ABR: variants seen among roughly 807,000 people sequenced by gnomAD.
The protein encoded by ABR is ABR activator of RhoGEF and GTPase.
Under a neutral mutation model 107.2 loss-of-function variants are expected in ABR, and 35 were observed. The ratio of observed to expected loss-of-function variants is 0.33; its 90% CI spans 0.25 to 0.43. The LOEUF (loss-of-function observed/expected upper bound fraction) is 0.43. Among genes scored for constraint, ABR ranks in the 20% least tolerant of loss-of-function variants. The probability of loss-of-function intolerance (pLI) is 1.00; values close to 1 mark genes in which losing one functional copy is unlikely to be tolerated. For synonymous variants in ABR, 498 were observed against 462.0 expected, an observed-to-expected ratio of 1.08 and a Z score of -1.00; for missense variants, 815 against 1,115.2, an observed-to-expected ratio of 0.73 and a Z score of 3.83.
intron 1 of ABR, among the ~76,000 whole-genome samples, chr17:1,172,848 C>T (rs2041765230): frequency 1.3e-5 from 2 of 152,034 alleles, no homozygotes; most frequent in Non-Finnish European, 2.9e-5. Context: ...AACAGCCTCC[C>T]CTATCACAGC....
chr17:1,087,713 G>T (rs1182639250), intron 4 of ABR, among the ~76,000 whole-genome samples: 1 of 152,072 alleles, frequency 6.6e-6, no homozygotes, highest in African/African-American at 2.4e-5. Context: ...TCAGATCACC[G>T]ATATTCTTCC....
rs1029591716 is a variant in ABR at position 1,071,818 on chromosome 17, G to A, written c.894+796C>T. Among the ~76,000 whole-genome samples the A allele has an allele frequency of 3.3e-5, 5 of 152,268 alleles. No homozygotes were observed. The highest frequency in any genetic ancestry group is 1.2e-4 in the African/African-American group (5 of 41,466). On this transcript the variant is annotated intron_variant, in intron 8 of 22. Coordinates refer to ENST00000302538, the MANE Select transcript of ABR (RefSeq NM_021962.5). This position sits in a 1 kb window ranked among gnomAD's most constrained non-coding sequence, Gnocchi z 5.1. Reference sequence around the variant, plus strand: ...TGGGCCTCCAGACAGTCCCAGGTGAGGAATCCAGCTCTGACACCAGTGGCT... The same window carrying A: ...TGGGCCTCCAGACAGTCCCAGGTGAAGAATCCAGCTCTGACACCAGTGGCT...
chr17:1,201,758 C>G (rs1159975728), intron 1 of ABR, among the ~76,000 whole-genome samples: 3 of 151,904 alleles, frequency 2.0e-5, no homozygotes, highest in African/African-American at 7.3e-5. Context: ...CTCACTGCAA[C>G]CTCTGCCTCC....
chr17:1,141,105 C>T (rs1404284567), intron 1 of ABR, among the ~76,000 whole-genome samples: 2 of 152,108 alleles, frequency 1.3e-5, no homozygotes, highest in Admixed American at 1.3e-4. Context: ...CAGCTGAAGC[C>T]GAGTGGGTGT....
intron 6 of ABR, chr17:1,079,116 T>C: frequency 1.4e-6 from 2 of 1,436,248 alleles, no homozygotes; most frequent in East Asian, 2.5e-5. Context: ...GGAGCACGTT[T>C]GTAGCTGGCT....
intron 16 of ABR, among the ~76,000 whole-genome samples, chr17:1,039,222 C>T (rs548673762): frequency 3.3e-5 from 5 of 152,180 alleles, no homozygotes; most frequent in South Asian, 2.1e-4. Flanking sequence ...TCAGGGGGAG[C>T]GGGCGCCAAG....
intron 16 of ABR, among the ~76,000 whole-genome samples, chr17:1,028,486 A>T (rs1177846210): frequency 6.6e-6 from 1 of 152,060 alleles, no homozygotes; most frequent in African/African-American, 2.4e-5. Context: ...CAAGAAAGGG[A>T]CCTTCTTCTA....
rs926680759 is a variant in ABR at position 1,148,230 on chromosome 17, C to T, written c.62-22863G>A. ...GGTGGATGAATGGATACACAAAACGCGGCCTTTACATAAAACGGATATTAT... is the reference window on the plus strand; with the variant it reads ...GGTGGATGAATGGATACACAAAACGTGGCCTTTACATAAAACGGATATTAT... On this transcript the variant is annotated intron_variant, in intron 1 of 22. Transcript: ENST00000302538. This position sits in a 1 kb window ranked among gnomAD's most constrained non-coding sequence, Gnocchi z 4.9. Among the ~76,000 whole-genome samples, 3 of 152,220 alleles carry T rather than the reference C, an allele frequency of 2.0e-5. No individual in the cohort carries two copies. Among genetic ancestry groups the T allele is most frequent in the East Asian group, 1.9e-4 (1 of 5,200 alleles).
rs1259062143 is a variant in ABR, at chr17:1,010,764, G to C, written c.2201C>G (p.Thr734Arg). The stretch of plus-strand genomic sequence containing the variant: ...CATGAAGGCTGGGTAGAGTCGGTCC[G>C]TGAGGAGCGGCTCGGGCAGTTCCCG... ...YFRELPEPLL[T>R]DRLYPAFMEG... is the part of the protein sequence containing the mutation. Residue 734 changes from threonine (T) to arginine (R), a missense_variant, in exon 20 of 23, where the codon ACG becomes AGG. Coordinates refer to ENST00000302538, the MANE Select transcript of ABR (RefSeq NM_021962.5). This position sits in a 1 kb window ranked among gnomAD's most constrained non-coding sequence, Gnocchi z 4.1. 2 of 1,613,840 alleles carry C rather than the reference G, an allele frequency of 1.2e-6. No individual in the cohort carries two copies. The highest frequency in any genetic ancestry group is 1.7e-6 in the Non-Finnish European group (2 of 1,180,020).
In ABR at chr17:1,010,648, T is replaced by G; in HGVS notation, c.2236+81A>C. The stretch of plus-strand genomic sequence containing the variant: ...GCCAGCAAAGGAAGCCACAGATATT[T>G]CTCCTGCTGGTTACTTCTCCGGGCA... On this transcript the variant is annotated intron_variant, in intron 20 of 22. Coordinates refer to ENST00000302538, the MANE Select transcript of ABR (RefSeq NM_021962.5). The surrounding 1 kb of genome is among the most constrained non-coding windows in gnomAD (Gnocchi z 4.1). 1 of 1,557,140 alleles carries G rather than the reference T, an allele frequency of 6.4e-7. No homozygotes were observed. The highest frequency in any genetic ancestry group is 8.7e-7 in the Non-Finnish European group (1 of 1,149,204).
chr17:1,195,073 C>T (rs1329042469), intron 1 of ABR, among the ~76,000 whole-genome samples: 8 of 144,782 alleles, frequency 5.5e-5, no homozygotes, highest in Admixed American at 1.4e-4. Context: ...TTTGGGAGGC[C>T]GAGGCGGGCG....
Position 1,031,581 on chromosome 17 carries a change from C to T in ABR, c.1792-18417G>A. 3.3e-6 allele frequency: 4 copies of T among 1,195,506 alleles called. No individual in the cohort carries two copies. In the South Asian group the frequency reaches 1.4e-4, roughly 41 times the overall value. The allele number at this position is 1,195,506 out of a possible 1,614,324, so 74.1% of individuals were successfully genotyped here. A position where few individuals can be genotyped will look rare whatever the true frequency, so the allele number is the denominator to read the frequency against. ...CCCGAGCCCCCACCCCCCGGAACCT[C>T]CAGCCCCCGCGGGCACCTTGTTTCG... On this transcript the variant is annotated intron_variant, in intron 16 of 22. Transcript: ENST00000302538.
At chr17:1,028,931 T>C (rs2072470520) in intron 16 of ABR, among the ~76,000 whole-genome samples, 1 of 137,976 alleles carries the variant, frequency 7.2e-6, no homozygotes, top group Non-Finnish European at 1.6e-5. Context: ...AAGGGGATGC[T>C]GCGGGGGCAG....
upstream of ABR, among the ~76,000 whole-genome samples, chr17:1,191,703 C>A (rs978755960): frequency 2.0e-5 from 3 of 152,188 alleles, no homozygotes; most frequent in South Asian, 2.1e-4. Context: ...AAATGAGGGG[C>A]CTGTTGAAAG....
chr17:1,050,906 CCCACA>C lies in ABR; in HGVS notation c.1562-277_1562-273del, dbSNP rs1440779833. Among the ~76,000 whole-genome samples the C allele has an allele frequency of 2.5e-4, 38 of 151,616 alleles. No individual in the cohort carries two copies. The highest frequency in any genetic ancestry group is 8.5e-4 in the African/African-American group (35 of 41,324). On this transcript the variant is annotated intron_variant, in intron 14 of 22. Transcript: ENST00000302538. The surrounding 1 kb of genome is among the most constrained non-coding windows in gnomAD (Gnocchi z 4.6). ...CTCTGCCCTTCCCACCTCGGCCCTCCCCACACTCTGCCCTTCCCACCTCGGCCCTC... is the reference window on the plus strand; with the variant it reads ...CTCTGCCCTTCCCACCTCGGCCCTCCCTCTGCCCTTCCCACCTCGGCCCTC...
chr17:1,192,302 A>C (rs559471753), upstream of ABR, among the ~76,000 whole-genome samples: 4 of 152,098 alleles, frequency 2.6e-5, no homozygotes, highest in Non-Finnish European at 5.9e-5. Context: ...ATTTCACTGA[A>C]TATTCCCTGA....
chr17:1,223,334 C>T (rs1401848295), intron 1 of ABR, among the ~76,000 whole-genome samples: 1 of 150,702 alleles, frequency 6.6e-6, no homozygotes, highest in African/African-American at 2.5e-5. Context: ...CACAGAGACA[C>T]GAATACCCTC....
At chr17:1,036,734 G>A (rs1468796186) in intron 16 of ABR, among the ~76,000 whole-genome samples, 1 of 152,076 alleles carries the variant, frequency 6.6e-6, no homozygotes, top group African/African-American at 2.4e-5. Flanking sequence ...CCAACTCGGT[G>A]GCTCTGTGGT....
upstream of ABR, among the ~76,000 whole-genome samples, chr17:1,191,922 C>T (rs1267804029): frequency 6.6e-6 from 1 of 151,994 alleles, no homozygotes; most frequent in Non-Finnish European, 1.5e-5. Context: ...AGCGCTCGAC[C>T]GAGCACAGCC....
Sources: gnomAD v4.1 joint callset for allele counts (sites outside exome capture counted in the v4.1 genomes callset) on GRCh38, gnomAD v4.1.1 for gene constraint, Gnocchi (gnomAD v3.1) non-coding constraint, MANE v1.5 for transcripts, NCBI Gene and HGNC (gene_info 2026-07-23, HGNC 2026-07-21) for gene names.